The following ATRNL1 variants were observed in gnomAD, a reference collection of about 807,000 sequenced individuals.
ATRNL1 encodes the protein attractin-like protein 1.
In ATRNL1, 95 loss-of-function variants were observed where a neutral mutation model predicts 182.7. The ratio of observed to expected loss-of-function variants is 0.52; its 90% CI spans 0.44 to 0.62. The LOEUF (loss-of-function observed/expected upper bound fraction) is 0.62. Ranked by LOEUF, ATRNL1 falls within the 20% of genes least tolerant of loss-of-function variation. The pLI is 0.00. For synonymous variants in ATRNL1, 576 were observed against 568.3 expected, an observed-to-expected ratio of 1.01 and a Z score of -0.19; for missense variants, 1,471 against 1,679.5, an observed-to-expected ratio of 0.88 and a Z score of 2.17.
rs545037247 is a variant in ATRNL1 at position 115,101,184 on chromosome 10, CTT to C, written c.293+7143_293+7144del. Among the ~76,000 whole-genome samples, 9 of 151,950 alleles carry C rather than the reference CTT, an allele frequency of 5.9e-5. No individual in the cohort carries two copies. In the East Asian group the frequency reaches 1.7e-3, roughly 29 times the overall value. ...CAGACAAAGATATATTTACTTCTTT[CTT>C]TACAATCTAGATGCCTTTTTTTTTC... On this transcript the variant is annotated intron_variant, in intron 1 of 28. Coordinates refer to ENST00000355044, the MANE Select transcript of ATRNL1 (RefSeq NM_207303.4).
intron 28 of ATRNL1, among the ~76,000 whole-genome samples, chr10:115,898,871 T>C (rs1338268626): frequency 6.6e-6 from 1 of 152,220 alleles, no homozygotes; most frequent in African/African-American, 2.4e-5. Flanking sequence ...CTCTACACTA[T>C]ATGGCTGAGT....
intron 21 of ATRNL1, among the ~76,000 whole-genome samples, chr10:115,430,271 A>G (rs1166149753): frequency 6.6e-6 from 1 of 151,804 alleles, no homozygotes; most frequent in African/African-American, 2.4e-5. Flanking sequence ...ATTTTTTGCT[A>G]TTTCATAGCA....
At chr10:115,876,819 C>G (rs893878558) in intron 28 of ATRNL1, among the ~76,000 whole-genome samples, 2 of 152,152 alleles carry the variant, frequency 1.3e-5, no homozygotes, top group Non-Finnish European at 2.9e-5. Context: ...TCTGAATATT[C>G]TCTTAACTAT....
At chr10:115,742,553 A>G (rs1366711577) in intron 27 of ATRNL1, among the ~76,000 whole-genome samples, 2 of 152,154 alleles carry the variant, frequency 1.3e-5, no homozygotes, top group Non-Finnish European at 2.9e-5. Context: ...TATGATGGTT[A>G]AGACAAAAAC....
At chr10:115,527,996 C>CCTTCCTTCCTTCCTT (rs1565133292) in intron 25 of ATRNL1, among the ~76,000 whole-genome samples, 4 of 54,018 alleles carry the variant, frequency 7.4e-5, no homozygotes, top group African/African-American at 4.2e-4. Flanking sequence ...CTCCCTCCCT[C>CCTTCCTTCCTTCCTT]CCTTCCTTCC....
At chr10:115,504,726 T>C (rs2133647131) in intron 24 of ATRNL1, among the ~76,000 whole-genome samples, 1 of 152,214 alleles carries the variant, frequency 6.6e-6, no homozygotes, top group South Asian at 2.1e-4. Flanking sequence ...TTAAGTTAAA[T>C]AAACTTGAAA....
chr10:115,700,216 G>T (rs1466758849), intron 26 of ATRNL1, among the ~76,000 whole-genome samples: 1 of 151,748 alleles, frequency 6.6e-6, no homozygotes, highest in African/African-American at 2.4e-5. Flanking sequence ...TAATGGGATT[G>T]CTGGGTCAAA....
chr10:115,191,301 C>A (rs185470513), intron 8 of ATRNL1, among the ~76,000 whole-genome samples: 1 of 152,060 alleles, frequency 6.6e-6, no homozygotes. Context: ...AACTATTCTT[C>A]ATAGTGGTTG....
chr10:115,315,414 C>A (rs1396875554), intron 17 of ATRNL1, 104 bp from the exon 18 acceptor site: 4 of 804,746 alleles, frequency 5.0e-6, no homozygotes, highest in Non-Finnish European at 7.8e-6. Flanking sequence ...CTATAGATGA[C>A]CTTTCATGGT....
intron 27 of ATRNL1, among the ~76,000 whole-genome samples, chr10:115,752,114 T>G (rs2907527): frequency 0.95 from 144,275 of 152,080 alleles, 68,878 homozygotes; most frequent in East Asian, 1. Flanking sequence ...TGACTGAATC[T>G]TATGAGAATT....
intron 26 of ATRNL1, among the ~76,000 whole-genome samples, chr10:115,550,163 C>A (rs903245883): frequency 1.3e-5 from 2 of 151,700 alleles, no homozygotes; most frequent in African/African-American, 4.8e-5. Context: ...AACGAAGAAA[C>A]AAAATCATCT....
At chr10:115,218,731 G>C (rs1849327172) in intron 9 of ATRNL1, among the ~76,000 whole-genome samples, 1 of 152,198 alleles carries the variant, frequency 6.6e-6, no homozygotes, top group Non-Finnish European at 1.5e-5. Flanking sequence ...CTTGAATGCA[G>C]TTGTTATTCT....
chr10:115,430,228 G>T (rs1565034896), intron 21 of ATRNL1, among the ~76,000 whole-genome samples: 1 of 152,072 alleles, frequency 6.6e-6, no homozygotes. Flanking sequence ...TTTGGGTCTA[G>T]TGCTTTTTAA....
At chr10:115,127,199 A>G (rs1845010667) in intron 3 of ATRNL1, among the ~76,000 whole-genome samples, 1 of 152,196 alleles carries the variant, frequency 6.6e-6, no homozygotes, top group Admixed American at 6.5e-5. Context: ...TTTTTAAACC[A>G]ATCAGAATGA....
rs1592633103 is a variant in ATRNL1 at position 115,421,715 on chromosome 10, C to G, written c.3270-4535C>G. Among the ~76,000 whole-genome samples, 3 of 152,024 alleles carry G rather than the reference C, an allele frequency of 2.0e-5. No individual in the cohort carries two copies. The South Asian group carries it at 6.2e-4, about 32-fold the overall frequency. ...AATTATTTTAAAATTCATATGGAAT[C>G]AAAAAAGAGCTCGAGTAGCCAAGGT... On this transcript the variant is annotated intron_variant, in intron 20 of 28. Transcript: ENST00000355044.
intron 20 of ATRNL1, among the ~76,000 whole-genome samples, chr10:115,403,023 T>TA (rs1411179562): frequency 1.3e-5 from 2 of 152,186 alleles, no homozygotes; most frequent in Non-Finnish European, 2.9e-5. Context: ...GGCTTACCTT[T>TA]AGGCCAGTAA....
At chr10:115,368,547 G>A (rs150095638) in intron 19 of ATRNL1, among the ~76,000 whole-genome samples, 26 of 152,194 alleles carry the variant, frequency 1.7e-4, no homozygotes, top group African/African-American at 6.3e-4. Flanking sequence ...TTGGCTCGCA[G>A]TACATTGTTT....
chr10:115,427,805 G>A (rs1554963255), intron 21 of ATRNL1, among the ~76,000 whole-genome samples: 1 of 151,572 alleles, frequency 6.6e-6, no homozygotes, highest in Admixed American at 6.6e-5. Context: ...TGCTAACGTA[G>A]CACATTTATA....
intron 28 of ATRNL1, among the ~76,000 whole-genome samples, chr10:115,938,459 G>A (rs1953628819): frequency 6.6e-6 from 1 of 152,108 alleles, no homozygotes; most frequent in African/African-American, 2.4e-5. Flanking sequence ...ATTTCAGGAG[G>A]CATATATTGT....
Sources: allele counts gnomAD v4.1 joint callset (sites outside exome capture counted in the v4.1 genomes callset), GRCh38; gene constraint gnomAD v4.1.1; transcripts MANE v1.5; gene names NCBI Gene and HGNC (gene_info 2026-07-23, HGNC 2026-07-21).